The following MARCHF2 variants were observed in gnomAD, a reference collection of about 807,000 sequenced individuals.
The protein encoded by MARCHF2 is membrane associated ring-CH-type finger 2, also known as E3 ubiquitin-protein ligase MARCHF2.
A neutral mutation model predicts 24.0 loss-of-function variants in MARCHF2; 22 were observed. The ratio of observed to expected loss-of-function variants is 0.92; its 90% confidence interval spans 0.66 to 1.31. The LOEUF (loss-of-function observed/expected upper bound fraction) is 1.31, where lower values mean the gene tolerates loss of function less well. Among genes scored for constraint, MARCHF2 ranks in the 50% most tolerant of loss-of-function variants. MARCHF2 has a pLI of 0.00. For synonymous variants in MARCHF2, 154 were observed against 153.0 expected (o/e 1.01, Z -0.05); for missense variants, 301 against 335.3 (o/e 0.90, Z 0.80).
At position 8,415,729 on chromosome 19, in the gene MARCHF2, AAAAAACAAAAAAAAC is replaced by A. The variant is rs1343048726; in HGVS notation, c.-53+2315_-53+2329del. Among the ~76,000 whole-genome samples the A allele has an allele frequency of 3.2e-4, 30 of 94,844 alleles. 2 individuals are homozygous for A. The South Asian group carries it at 3.6e-3, about 12-fold the overall frequency. The allele number at this position is 94,844 out of a possible 152,430, so 62.2% of individuals were successfully genotyped here. A position where few individuals can be genotyped will look rare whatever the true frequency, so the allele number is the denominator to read the frequency against. ...AGAGTGAAACTCCATCTCAAAAAAA[AAAAAACAAAAAAAAC>A]AAAAAAAAAAACCAGACAAAAGAAA... On this transcript the variant is annotated intron_variant, in intron 1 of 4. Coordinates refer to ENST00000215555, the MANE Select transcript of MARCHF2 (RefSeq NM_001005415.2).
intron 2 of MARCHF2, among the ~76,000 whole-genome samples, chr19:8,425,952 G>C (rs892994826): frequency 1.3e-5 from 2 of 151,762 alleles, no homozygotes; most frequent in African/African-American, 4.8e-5. Flanking sequence ...TGGGGGCCGG[G>C]TGCGGTGGCT....
intron 1 of MARCHF2, among the ~76,000 whole-genome samples, chr19:8,415,653 G>A (rs1217321764): frequency 7.0e-6 from 1 of 143,840 alleles, no homozygotes; most frequent in African/African-American, 2.6e-5. Flanking sequence ...CCTGGGAGGC[G>A]GAGGTTGCAG....
intron 4 of MARCHF2, among the ~76,000 whole-genome samples, chr19:8,437,100 C>G (rs1190679076): frequency 4.6e-5 from 7 of 152,066 alleles, no homozygotes; most frequent in African/African-American, 1.7e-4. Context: ...CTACCCCAGC[C>G]TCCTAAGTAG....
At position 8,435,862 on chromosome 19, in the gene MARCHF2, GT is replaced by G. The variant is rs1314173710; in HGVS notation, c.583-2525del. On this transcript the variant is annotated intron_variant, in intron 4 of 4. Transcript: ENST00000215555. ...TGTGTGTGTGTGTGTGTGTGTGTGT[GT>G]GTGGCGGGGAGGGGATAGGATTGTT... Among the ~76,000 whole-genome samples, 7 of 150,292 alleles carry G rather than the reference GT, an allele frequency of 4.7e-5. No homozygotes were observed. The East Asian group carries it at 9.8e-4, about 21-fold the overall frequency.
At chr19:8,424,052 G>GA (rs1181731207) in intron 2 of MARCHF2, among the ~76,000 whole-genome samples, 2 of 151,936 alleles carry the variant, frequency 1.3e-5, no homozygotes, top group East Asian at 3.9e-4. Flanking sequence ...GCGTTGTCTG[G>GA]AAAATAGCTC....
intron 3 of MARCHF2, among the ~76,000 whole-genome samples, chr19:8,429,479 C>CA (rs1259295203): frequency 2.1e-5 from 3 of 142,330 alleles, no homozygotes; most frequent in Non-Finnish European, 3.0e-5. Flanking sequence ...AATGAAAGAA[C>CA]TTATTATTAT....
chr19:8,421,133 T>A (rs1212152224), intron 1 of MARCHF2, among the ~76,000 whole-genome samples: 1 of 151,110 alleles, frequency 6.6e-6, no homozygotes. Flanking sequence ...GGGTTTTTTT[T>A]TTTTTTTGAG....
chr19:8,428,930 C>T (rs61499007), intron 3 of MARCHF2, among the ~76,000 whole-genome samples: 10,411 of 151,748 alleles, frequency 0.069, 875 homozygotes, highest in African/African-American at 0.2. Flanking sequence ...AGCGAAACTC[C>T]GTCTCAAAAA....
chr19:8,422,720 T>G (rs1023326083), intron 2 of MARCHF2, among the ~76,000 whole-genome samples: 6 of 145,586 alleles, frequency 4.1e-5, no homozygotes, highest in Non-Finnish European at 7.5e-5. Flanking sequence ...TTTTTTTTTT[T>G]TTTTTAGAGA....
chr19:8,421,830 T>A lies in MARCHF2; in HGVS notation c.-11T>A. ...GCCTCAGGCCCTGAGGATACGGGGC[T>A]CCCGGTGGCCATGACGACGGGTGAC... On this transcript the variant is annotated 5_prime_UTR_variant, in exon 2 of 5. Coordinates refer to ENST00000215555, the MANE Select transcript of MARCHF2 (RefSeq NM_001005415.2). The A allele has an allele frequency of 6.2e-7, 1 of 1,600,518 alleles. No homozygotes were observed. The highest frequency in any genetic ancestry group is 8.5e-7 in the Non-Finnish European group (1 of 1,172,984).
Position 8,422,916 on chromosome 19 carries a change from G to A in MARCHF2, c.176+900G>A, listed in dbSNP as rs373334314. ...GATGGGGTTTCACCATGTTGGCCAG[G>A]CTGATCTTGATCTCTTGACCTCATA... On this transcript the variant is annotated intron_variant, in intron 2 of 4. Transcript: ENST00000215555. 2.6e-3 allele frequency among the ~76,000 whole-genome samples: 367 copies of A among 142,340 alleles called. 7 individuals are homozygous for A. Among genetic ancestry groups the A allele is most frequent in the Middle Eastern group, 0.01 (3 of 288 alleles). The allele number at this position is 142,340 out of a possible 152,430, so 93.4% of individuals were successfully genotyped here. A position where few individuals can be genotyped will look rare whatever the true frequency, so the allele number is the denominator to read the frequency against.
In MARCHF2 at chr19:8,428,094, A is replaced by G. The variant is rs1039980283; in HGVS notation, c.372+1290A>G. On this transcript the variant is annotated intron_variant, in intron 3 of 4. Coordinates refer to ENST00000215555, the MANE Select transcript of MARCHF2 (RefSeq NM_001005415.2). ...GCTAACATGGTGAAACCCCATCTCT[A>G]CTAAAAATACAAAAAATTAGCCGGG... is the stretch of plus-strand genomic sequence containing the variant. 2.5e-4 allele frequency among the ~76,000 whole-genome samples: 38 copies of G among 152,136 alleles called. 1 individual carries two copies. The highest frequency in any genetic ancestry group is 9.2e-4 in the African/African-American group (38 of 41,444).
intron 1 of MARCHF2, 28 bp from the exon 2 acceptor site, chr19:8,421,761 C>G: frequency 1.5e-6 from 2 of 1,378,710 alleles, no homozygotes; most frequent in Non-Finnish European, 2.0e-6. Flanking sequence ...TAACCTTGCC[C>G]CTAACCTCCG....
At position 8,426,668 on chromosome 19, in the gene MARCHF2, C is replaced by T. The variant is rs370907258; in HGVS notation, c.236C>T (p.Pro79Leu). Residue 79 changes from proline (P) to leucine (L), a missense_variant, in exon 3 of 5, where the codon CCG (proline) becomes CTG (leucine). Physicochemically the swap from Pro to Leu is moderately conservative, Grantham distance 98 (BLOSUM62 -3). Transcript: ENST00000215555. The part of the protein sequence containing the change: ...EGANGECLLS[P>L]CGCTGTLGAV... ...GCGAACGGGGAGTGCTTGCTGTCCC[C>T]GTGTGGCTGCACCGGCACGCTGGGT... 1.3e-5 allele frequency: 21 copies of T among 1,613,900 alleles called. No homozygotes were observed. Among genetic ancestry groups the T allele is most frequent in the Middle Eastern group, 3.3e-4 (2 of 5,990 alleles).
At chr19:8,437,177 G>A (rs1329839743) in intron 4 of MARCHF2, among the ~76,000 whole-genome samples, 1 of 151,500 alleles carries the variant, frequency 6.6e-6, no homozygotes, top group Non-Finnish European at 1.5e-5. Context: ...ACAAGGTCTC[G>A]CTATGTTGCC....
chr19:8,419,120 G>A (rs1599700399), intron 1 of MARCHF2, among the ~76,000 whole-genome samples: 1 of 152,030 alleles, frequency 6.6e-6, no homozygotes, highest in Admixed American at 6.6e-5. Flanking sequence ...CAGCACTTTG[G>A]GAGTCCGAGG....
intron 1 of MARCHF2, among the ~76,000 whole-genome samples, chr19:8,414,283 T>G (rs1481033575): frequency 2.0e-5 from 3 of 152,134 alleles, no homozygotes; most frequent in African/African-American, 7.2e-5. Context: ...CGTCTTTTTT[T>G]TTTTTAGACA....
At chr19:8,425,646 T>C (rs1967378061) in intron 2 of MARCHF2, among the ~76,000 whole-genome samples, 1 of 149,452 alleles carries the variant, frequency 6.7e-6, no homozygotes, top group East Asian at 2.0e-4. Context: ...AGACGGAGCC[T>C]CACTCTGTCA....
rs750056933 is a variant in MARCHF2 at position 8,428,840 on chromosome 19, T to TG, written c.373-1817dup. On this transcript the variant is annotated intron_variant, in intron 3 of 4. Coordinates refer to ENST00000215555, the MANE Select transcript of MARCHF2 (RefSeq NM_001005415.2). ...TTAGCTGGGCATGGTGGCGGGGGCC[T>TG]GTAATCCCAGCTTGAACCCGGAAGG... is the stretch of plus-strand genomic sequence containing the variant. Among the ~76,000 whole-genome samples, 1,308 of 149,500 alleles carry TG rather than the reference T, an allele frequency of 8.7e-3. 98 individuals are homozygous for TG. The East Asian group carries it at 0.2, about 23-fold the overall frequency.
Sources: gnomAD v4.1 joint callset for allele counts (sites outside exome capture counted in the v4.1 genomes callset) on GRCh38, gnomAD v4.1.1 for gene constraint, MANE v1.5 for transcripts, NCBI Gene and HGNC (gene_info 2026-07-23, HGNC 2026-07-21) for gene names.